DBT: variants seen among roughly 807,000 people sequenced by gnomAD.
The protein encoded by DBT is dihydrolipoamide branched chain transacylase E2.
A neutral mutation model predicts 51.3 loss-of-function variants in DBT; 40 were observed. That is an observed-to-expected ratio of 0.78 (90% CI 0.61 to 1.02). The LOEUF (loss-of-function observed/expected upper bound fraction) is 1.02, where lower values mean the gene tolerates loss of function less well. Ranked by LOEUF, DBT falls within the 50% of genes least tolerant of loss-of-function variation. The pLI is 0.00. For synonymous variants in DBT, 181 were observed against 190.4 expected (o/e 0.95, Z 0.41); for missense variants, 510 against 580.2 (o/e 0.88, Z 1.24).
intron 7 of DBT, chr1:100,213,578 TTCCTGGCCATCA>T (rs1439992523): frequency 7.5e-6 from 12 of 1,591,842 alleles, no homozygotes; most frequent in Non-Finnish European, 1.0e-5. Context: ...CCTGGGCATC[TTCCTGGCCATCA>T]TCCTGTTCCC....
intron 1 of DBT, 93 bp from the exon 2 acceptor site, chr1:100,240,977 GT>G: frequency 8.2e-7 from 1 of 1,226,612 alleles, no homozygotes; most frequent in Non-Finnish European, 1.2e-6. Flanking sequence ...CATTCTAAAA[GT>G]AGAACCATTG....
At chr1:100,229,891 A>C (rs1020273045) in intron 4 of DBT, among the ~76,000 whole-genome samples, 6 of 152,330 alleles carry the variant, frequency 3.9e-5, no homozygotes, top group African/African-American at 1.2e-4. Flanking sequence ...CTCATGATGA[A>C]TTCCCTTTTG....
At position 100,196,436 on chromosome 1, in the gene DBT, A is replaced by C; in HGVS notation, c.1282-14T>G. On this transcript the variant is annotated splice_polypyrimidine_tract_variant and intron_variant, in intron 10 of 10. Coordinates refer to ENST00000370132, the MANE Select transcript of DBT (RefSeq NM_001918.5). ...TCGGGGAATGGCCTAGAAATGAAAA[A>C]AAAAAAAAAAAAAAAAAAAAAAAGA... The C allele has an allele frequency of 7.6e-5, 13 of 170,770 alleles. No homozygotes were observed. Among genetic ancestry groups the C allele is most frequent in the East Asian group, 8.2e-4 (2 of 2,440 alleles). The allele number at this position is 170,770 out of a possible 1,614,324, so 10.6% of individuals were successfully genotyped here.
intron 1 of DBT, 133 bp downstream of exon 1, chr1:100,249,637 G>T: frequency 1.1e-6 from 1 of 878,292 alleles, no homozygotes; most frequent in Non-Finnish European, 1.9e-6. Flanking sequence ...CCTTTATTTT[G>T]CATGCATCCC....
chr1:100,188,025 A>T lies in DBT; in HGVS notation c.*8230T>A, dbSNP rs1317796522. The T allele has an allele frequency of 6.6e-6, 1 of 152,186 alleles. No individual in the cohort carries two copies. Among genetic ancestry groups the T allele is most frequent in the African/African-American group, 2.4e-5 (1 of 41,438 alleles). The allele number at this position is 152,186 out of a possible 1,614,324, so 9.4% of individuals were successfully genotyped here. A position where few individuals can be genotyped will look rare whatever the true frequency, so the allele number is the denominator to read the frequency against. On this transcript the variant is annotated 3_prime_UTR_variant, in exon 11 of 11. Transcript: ENST00000370132. Reference sequence around the variant, plus strand: ...AGGACAGTGGTGGTTTTTAAAAATGATTTCTTCACTGTGGCAAGTTTGTCC... The same window carrying T: ...AGGACAGTGGTGGTTTTTAAAAATGTTTTCTTCACTGTGGCAAGTTTGTCC...
rs1660914192 is a variant in DBT at position 100,193,564 on chromosome 1, T to C, written c.*2691A>G. The C allele has an allele frequency of 6.6e-6, 1 of 152,236 alleles. No individual in the cohort carries two copies. Among genetic ancestry groups the C allele is most frequent in the African/African-American group, 2.4e-5 (1 of 41,462 alleles). The allele number at this position is 152,236 out of a possible 1,614,324, so 9.4% of individuals were successfully genotyped here. On this transcript the variant is annotated 3_prime_UTR_variant, in exon 11 of 11. Transcript: ENST00000370132. ...ATGGTAGATGTTTAATGTTTGAATG[T>C]ATAATAAATGCATACAATGGAATAC...
chr1:100,223,289 T>C lies in DBT; in HGVS notation c.434-4542A>G, dbSNP rs552029746. 2.6e-5 allele frequency among the ~76,000 whole-genome samples: 4 copies of C among 152,302 alleles called. No homozygotes were observed. The East Asian group carries it at 7.7e-4, about 29-fold the overall frequency. ...TGAGGAATCATTTTACTGCATTAAATAAATAGAGGCTAGAGAAAGCATCTG... is the reference window on the plus strand; with the variant it reads ...TGAGGAATCATTTTACTGCATTAAACAAATAGAGGCTAGAGAAAGCATCTG... On this transcript the variant is annotated intron_variant, in intron 4 of 10. Coordinates refer to ENST00000370132, the MANE Select transcript of DBT (RefSeq NM_001918.5).
intron 7 of DBT, among the ~76,000 whole-genome samples, chr1:100,211,557 A>AC (rs1248502231): frequency 6.6e-6 from 1 of 152,132 alleles, no homozygotes; most frequent in African/African-American, 2.4e-5. Flanking sequence ...GGTCCCTGTT[A>AC]AAGTTCTTTA....
At position 100,225,032 on chromosome 1, in the gene DBT, A is replaced by AAT. The variant is rs1474392239; in HGVS notation, c.433+5700_433+5701insAT. Among the ~76,000 whole-genome samples, 2 of 101,420 alleles carry AAT rather than the reference A, an allele frequency of 2.0e-5. 1 individual carries two copies. The highest frequency in any genetic ancestry group is 3.9e-5 in the Non-Finnish European group (2 of 51,504). 66.5% of individuals were successfully genotyped at this position (101,420 alleles called of 152,430 possible). ...GACTCCGTCTCCCCCCAAAAAAAAA[A>AAT]AAAAAAAAAAATATATATATACACA... On this transcript the variant is annotated intron_variant, in intron 4 of 10. Coordinates refer to ENST00000370132, the MANE Select transcript of DBT (RefSeq NM_001918.5).
chr1:100,199,610 T>C (rs1570799850), intron 10 of DBT, among the ~76,000 whole-genome samples: 2 of 152,210 alleles, frequency 1.3e-5, no homozygotes, highest in African/African-American at 4.8e-5. Flanking sequence ...CCAGGCAAGA[T>C]GGCAGAACAG....
At chr1:100,241,540 C>T (rs1414108105) in intron 1 of DBT, among the ~76,000 whole-genome samples, 2 of 151,764 alleles carry the variant, frequency 1.3e-5, no homozygotes, top group African/African-American at 2.4e-5. Context: ...GGACCACAGG[C>T]GCATGCTACC....
intron 1 of DBT, among the ~76,000 whole-genome samples, chr1:100,247,633 A>C (rs1023466251): frequency 1.4e-5 from 2 of 138,274 alleles, no homozygotes; most frequent in Non-Finnish European, 3.1e-5. Context: ...CAGGAGGTGG[A>C]GGTTGCAGTA....
At position 100,189,211 on chromosome 1, in the gene DBT, C is replaced by T. The variant is rs1570791404; in HGVS notation, c.*7044G>A. On this transcript the variant is annotated 3_prime_UTR_variant, in exon 11 of 11. Transcript: ENST00000370132. ...GAAAAATTAGCCAGGCGTGATGGTG[C>T]ATGCCTGTAATCTCAGCTACTTGGG... is the stretch of plus-strand genomic sequence containing the variant. The T allele has an allele frequency of 6.6e-6, 1 of 152,272 alleles. No homozygotes were observed. The highest frequency in any genetic ancestry group is 2.1e-4 in the South Asian group (1 of 4,808). The allele number at this position is 152,272 out of a possible 1,614,324, so 9.4% of individuals were successfully genotyped here.
intron 7 of DBT, 119 bp downstream of exon 7, chr1:100,214,698 G>A: frequency 1.0e-6 from 1 of 985,700 alleles, no homozygotes; most frequent in Admixed American, 1.9e-5. Context: ...AGGTTGCAGT[G>A]AGCCGAGATT....
intron 5 of DBT, among the ~76,000 whole-genome samples, chr1:100,217,745 G>C (rs1215920447): frequency 6.6e-6 from 1 of 151,974 alleles, no homozygotes. Context: ...AGCTTACTTG[G>C]TTTTAGATAA....
chr1:100,231,634 A>C lies in DBT; in HGVS notation c.252-720T>G, dbSNP rs1663559598. Among the ~76,000 whole-genome samples the C allele has an allele frequency of 2.0e-5, 3 of 152,210 alleles. No homozygotes were observed. In the South Asian group the frequency reaches 6.2e-4, roughly 32 times the overall value. ...CCTAACCAGTCCTCAGCCTATGATA[A>C]AACAGCACCCATGACATAGAAACCA... On this transcript the variant is annotated intron_variant, in intron 3 of 10. Coordinates refer to ENST00000370132, the MANE Select transcript of DBT (RefSeq NM_001918.5).
In DBT at chr1:100,192,654, T is replaced by G. The variant is rs1660864437; in HGVS notation, c.*3601A>C. 6.6e-6 allele frequency: 1 copy of G among 152,228 alleles called. No homozygotes were observed. The highest frequency in any genetic ancestry group is 2.4e-5 in the African/African-American group (1 of 41,456). 9.4% of individuals were successfully genotyped at this position (152,228 alleles called of 1,614,324 possible). A position where few individuals can be genotyped will look rare whatever the true frequency, so the allele number is the denominator to read the frequency against. ...AGCTATCACTTTCACTCTTTCTACA[T>G]AATCACTTCTTACATAGGTTTCAAC... is the stretch of plus-strand genomic sequence containing the variant. On this transcript the variant is annotated 3_prime_UTR_variant, in exon 11 of 11. Transcript: ENST00000370132.
chr1:100,213,169 G>A (rs1662254131), intron 7 of DBT: 1 of 456,842 alleles, frequency 2.2e-6, no homozygotes, highest in South Asian at 5.4e-5. Flanking sequence ...ATATTTACAT[G>A]TCAGGGTTAC....
intron 1 of DBT, among the ~76,000 whole-genome samples, chr1:100,248,301 T>A (rs1433018653): frequency 6.6e-6 from 1 of 152,186 alleles, no homozygotes; most frequent in Non-Finnish European, 1.5e-5. Context: ...ACGACATTGA[T>A]AATCATAAGC....
Sources: gnomAD v4.1 joint callset for allele counts (sites outside exome capture counted in the v4.1 genomes callset) on GRCh38, gnomAD v4.1.1 for gene constraint, MANE v1.5 for transcripts, NCBI Gene and HGNC (gene_info 2026-07-23, HGNC 2026-07-21) for gene names.